The following PRKAR1A variants were observed in gnomAD, a reference collection of about 807,000 sequenced individuals.
The protein encoded by PRKAR1A is protein kinase cAMP-dependent type I regulatory subunit alpha.
In PRKAR1A, 3 loss-of-function variants were observed where a neutral mutation model predicts 52.0. That is an observed-to-expected ratio of 0.06 (90% CI 0.03 to 0.15). The LOEUF is 0.15. Ranked by LOEUF, PRKAR1A falls within the 10% of genes least tolerant of loss-of-function variation. PRKAR1A has a pLI of 1.00. For synonymous variants in PRKAR1A, 188 were observed against 168.4 expected (o/e 1.12, Z -0.90); for missense variants, 240 against 477.4 (o/e 0.50, Z 4.63).
At chr17:68,429,988 G>A in the PRKAR1A span, 1 of 1,614,096 alleles carries the variant, frequency 6.2e-7, no homozygotes, top group Non-Finnish European at 8.5e-7. Context: ...GGGTGTCATT[G>A]TACGTACGTT....
the PRKAR1A span, among the ~76,000 whole-genome samples, chr17:68,437,014 A>ATGTGTGTG: frequency 2.4e-4 from 20 of 82,144 alleles, no homozygotes; most frequent in African/African-American, 8.2e-4. Context: ...AAATATATAT[A>ATGTGTGTG]TATGTGTGTG....
At chr17:68,535,754 T>G (rs1481292658), downstream of PRKAR1A, 3 of 452,736 alleles carry the variant, frequency 6.6e-6, no homozygotes, top group Non-Finnish European at 1.3e-5. Flanking sequence ...CCAAGCGATC[T>G]GCCTGTTTAG....
chr17:68,430,108 C>G, the PRKAR1A span: 1 of 1,614,112 alleles, frequency 6.2e-7, no homozygotes, highest in Non-Finnish European at 8.5e-7. Context: ...TTGGTAGCAG[C>G]CATAAACATC....
the PRKAR1A span, among the ~76,000 whole-genome samples, chr17:68,465,661 G>GTT: frequency 1.9e-5 from 1 of 52,306 alleles, no homozygotes; most frequent in Non-Finnish European, 5.1e-5. Context: ...TAGAGACGGG[G>GTT]TTTCACCATG....
At chr17:68,547,983 T>G (rs1441055309) in intron 11 of PRKAR1A, among the ~76,000 whole-genome samples, 1 of 151,742 alleles carries the variant, frequency 6.6e-6, no homozygotes, top group Non-Finnish European at 1.5e-5. Flanking sequence ...ATGTGAACAC[T>G]TAGAGGCCCT....
At chr17:68,478,511 C>CCCAGTTACTCAG in the PRKAR1A span, among the ~76,000 whole-genome samples, 1 of 152,054 alleles carries the variant, frequency 6.6e-6, no homozygotes, top group African/African-American at 2.4e-5. Flanking sequence ...CTCAACACAT[C>CCCAGTTACTCAG]GAAGGCAATA....
the PRKAR1A span, among the ~76,000 whole-genome samples, chr17:68,489,753 G>A: frequency 1.3e-5 from 2 of 151,076 alleles, no homozygotes; most frequent in African/African-American, 2.4e-5. Flanking sequence ...ACGGGGTTTC[G>A]CCACGTTGGC....
chr17:68,540,711 G>A (rs1160747061), intron 11 of PRKAR1A: 18 of 1,104,466 alleles, frequency 1.6e-5, no homozygotes, highest in Non-Finnish European at 2.0e-5. Flanking sequence ...TGGGACCTCC[G>A]CCACTTCTGA....
At chr17:68,479,277 G>A in the PRKAR1A span, among the ~76,000 whole-genome samples, 6 of 152,264 alleles carry the variant, frequency 3.9e-5, no homozygotes, top group East Asian at 1.2e-3. Flanking sequence ...GTACTGTGAG[G>A]TCAGCTGTGG....
intron 1 of PRKAR1A, chr17:68,513,247 C>T (rs998816457): frequency 7.9e-5 from 12 of 152,370 alleles, no homozygotes; most frequent in African/African-American, 2.2e-4. Flanking sequence ...GGGCATTTTC[C>T]TGCCCTTCTT....
intron 11 of PRKAR1A, among the ~76,000 whole-genome samples, chr17:68,543,215 G>A (rs1250737035): frequency 1.3e-5 from 2 of 152,084 alleles, no homozygotes; most frequent in African/African-American, 4.8e-5. Context: ...TGCCCATGAC[G>A]CTACAGACCA....
At chr17:68,492,533 G>C in the PRKAR1A span, among the ~76,000 whole-genome samples, 1 of 152,116 alleles carries the variant, frequency 6.6e-6, no homozygotes, top group Non-Finnish European at 1.5e-5. Context: ...AACTGTACAG[G>C]GGTTGAATGC....
chr17:68,525,862 A>G lies in PRKAR1A; in HGVS notation c.658A>G (p.Asn220Asp), dbSNP rs2085773408. 2 of 1,614,006 alleles carry G rather than the reference A, an allele frequency of 1.2e-6. No homozygotes were observed. The highest frequency in any genetic ancestry group is 1.7e-6 in the Non-Finnish European group (2 of 1,179,944). Reference protein sequence around the residue: ...PRAATVKAKTNVKLWGIDRDS... With the variant: ...PRAATVKAKTDVKLWGIDRDS... ...AGCAGCCACTGTCAAAGCAAAGACAAATGTGAAATTGTGGGGCATCGACCG... is the reference window on the plus strand; with the variant it reads ...AGCAGCCACTGTCAAAGCAAAGACAGATGTGAAATTGTGGGGCATCGACCG... Residue 220 changes from asparagine (N) to aspartate (D), a missense_variant, in exon 7 of 11, where the codon AAT (asparagine) becomes GAT (aspartate). Around this residue, in one of 4 missense-constraint regions of PRKAR1A, gnomAD observed 107 missense variants for 290.9 expected, o/e 0.37. Transcript: ENST00000589228.
upstream of PRKAR1A, among the ~76,000 whole-genome samples, chr17:68,507,175 T>C (rs1301827530): frequency 1.3e-5 from 2 of 152,250 alleles, no homozygotes; most frequent in African/African-American, 2.4e-5. Flanking sequence ...AGAAAGTTAC[T>C]GATCCTAGTC....
chr17:68,542,684 A>G (rs1215044545), intron 11 of PRKAR1A: 14 of 1,601,990 alleles, frequency 8.7e-6, no homozygotes, highest in South Asian at 4.4e-5. Flanking sequence ...CACTCGGGCC[A>G]GTACTCTACC....
upstream of PRKAR1A, among the ~76,000 whole-genome samples, chr17:68,507,473 G>C (rs1407895223): frequency 6.6e-6 from 1 of 152,148 alleles, no homozygotes; most frequent in Non-Finnish European, 1.5e-5. Context: ...ACAGGGAGCA[G>C]AACAACACAC....
At chr17:68,534,629 A>T (rs920671257), downstream of PRKAR1A, among the ~76,000 whole-genome samples, 1 of 147,292 alleles carries the variant, frequency 6.8e-6, no homozygotes, top group African/African-American at 2.5e-5. Flanking sequence ...AAAAGCCCCT[A>T]AGTGTAGTGA....
chr17:68,426,253 G>GGGGGGGGGGA, the PRKAR1A span: 2 of 841,016 alleles, frequency 2.4e-6, 1 homozygote, highest in Non-Finnish European at 3.8e-6. Context: ...GGGGAGCGGG[G>GGGGGGGGGGA]GCTCAAATAA....
At chr17:68,484,599 G>T in the PRKAR1A span, among the ~76,000 whole-genome samples, 1 of 151,778 alleles carries the variant, frequency 6.6e-6, no homozygotes, top group Non-Finnish European at 1.5e-5. Context: ...GATGAGAGTG[G>T]ATGACCTTGA....
Sources: allele counts gnomAD v4.1 joint callset (sites outside exome capture counted in the v4.1 genomes callset), GRCh38; gene constraint gnomAD v4.1.1; regional missense constraint gnomAD v4.1.1; transcripts MANE v1.5; gene names NCBI Gene and HGNC (gene_info 2026-07-23, HGNC 2026-07-21).